PIP5K1C: variants seen among roughly 807,000 people sequenced by gnomAD.
PIP5K1C encodes the protein phosphatidylinositol-4-phosphate 5-kinase type 1 gamma.
PIP5K1C carries 45 observed loss-of-function variants against 80.1 expected under a neutral mutation model. The ratio of observed to expected loss-of-function variants is 0.56; its 90% confidence interval spans 0.44 to 0.72. The LOEUF (loss-of-function observed/expected upper bound fraction) is 0.72, where lower values mean the gene tolerates loss of function less well. PIP5K1C is among the 30% of genes least tolerant of loss of function. The probability of loss-of-function intolerance (pLI) is 0.00; values close to 1 mark genes in which losing one functional copy is unlikely to be tolerated. For synonymous variants in PIP5K1C, 498 were observed against 420.1 expected (o/e 1.19, Z -2.27); for missense variants, 753 against 954.6 (o/e 0.79, Z 2.78).
intron 1 of PIP5K1C, among the ~76,000 whole-genome samples, chr19:3,697,329 G>T (rs565048627): frequency 6.6e-6 from 1 of 151,524 alleles, no homozygotes; most frequent in Admixed American, 6.6e-5. Context: ...GACGGAGGAG[G>T]ACCGAGCTGG....
intron 1 of PIP5K1C, among the ~76,000 whole-genome samples, chr19:3,668,183 C>T (rs542985861): frequency 8.0e-4 from 121 of 152,114 alleles, no homozygotes; most frequent in African/African-American, 2.9e-3. Flanking sequence ...TTCCTCCATG[C>T]AAGGAGGCTG....
rs1421457755 is a variant in PIP5K1C, at chr19:3,688,214, C to A, written c.94+12083G>T. Among the ~76,000 whole-genome samples, 3 of 152,220 alleles carry A rather than the reference C, an allele frequency of 2.0e-5. No homozygotes were observed. Among genetic ancestry groups the A allele is most frequent in the Admixed American group, 6.5e-5 (1 of 15,290 alleles). On this transcript the variant is annotated intron_variant, in intron 1 of 17. Transcript: ENST00000335312. This position sits in a 1 kb window ranked among gnomAD's most constrained non-coding sequence, Gnocchi z 5.3. The stretch of plus-strand genomic sequence containing the variant: ...CAGCACAGCAGAGGTGGACGCCCCT[C>A]GCGGCTGGCTCCCCAGCGTCCCTGT...
chr19:3,636,783 C>T (rs1372522972), intron 16 of PIP5K1C: 12 of 986,660 alleles, frequency 1.2e-5, no homozygotes, highest in African/African-American at 8.7e-5. Flanking sequence ...GGCTTTGTCT[C>T]GAGGGGACAC....
intron 1 of PIP5K1C, among the ~76,000 whole-genome samples, chr19:3,670,378 C>T (rs916240905): frequency 2.6e-5 from 4 of 152,016 alleles, no homozygotes; most frequent in African/African-American, 9.7e-5. Flanking sequence ...AGAGAAGCCG[C>T]TCAGGGAGGC....
At chr19:3,638,377 A>G (rs2033795534) in intron 16 of PIP5K1C, among the ~76,000 whole-genome samples, 1 of 152,100 alleles carries the variant, frequency 6.6e-6, no homozygotes, top group Admixed American at 6.5e-5. Context: ...CCCTCCTGCC[A>G]CTGCCCGGTC....
Position 3,637,624 on chromosome 19 carries a change from CGGGCCGGGT to C in PIP5K1C, c.1920+1251_1920+1259del, listed in dbSNP as rs2033753696. 1 of 331,678 alleles carries C rather than the reference CGGGCCGGGT, an allele frequency of 3.0e-6. No individual in the cohort carries two copies. The highest frequency in any genetic ancestry group is 5.8e-6 in the Non-Finnish European group (1 of 172,990). The allele number at this position is 331,678 out of a possible 1,614,324, so 20.5% of individuals were successfully genotyped here. ...CCTCCCATCCGTGAACTGGACGGGG[CGGGCCGGGT>C]GGGCCGGAGGAGGAAGGAAAACAGA... On this transcript the variant is annotated intron_variant, in intron 16 of 17. Transcript: ENST00000335312. The surrounding 1 kb of genome is among the most constrained non-coding windows in gnomAD (Gnocchi z 7.0).
At chr19:3,683,366 C>G (rs76654991) in intron 1 of PIP5K1C, among the ~76,000 whole-genome samples, 9,348 of 152,246 alleles carry the variant, frequency 0.061, 419 homozygotes, top group Non-Finnish European at 0.094. Flanking sequence ...TGGATGGGGT[C>G]AAGAGCCCAG....
intron 5 of PIP5K1C, among the ~76,000 whole-genome samples, chr19:3,657,587 A>G (rs1475870157): frequency 6.6e-6 from 1 of 151,984 alleles, no homozygotes; most frequent in Non-Finnish European, 1.5e-5. Flanking sequence ...GCTGTGATAA[A>G]CAGGTGGGGG....
chr19:3,653,362 G>A lies in PIP5K1C; in HGVS notation c.849C>T (p.Asp283=). 1 of 1,612,454 alleles carries A rather than the reference G, an allele frequency of 6.2e-7. No individual in the cohort carries two copies. The part of the protein sequence containing the change: ...PTYKDLDFMQ[D]MPEGLLLDAD... The stretch of plus-strand genomic sequence containing the variant: ...CGTCCAGCAGGAGCCCCTCGGGCAT[G>A]TCCTGCATGAAGTCCAGGTCCTTGT... Residue 283 remains aspartate (D), a synonymous_variant, in exon 7 of 18, where the codon GAC becomes GAT. Transcript: ENST00000335312.
At chr19:3,665,786 AG>A (rs2034986929) in intron 2 of PIP5K1C, among the ~76,000 whole-genome samples, 1 of 152,044 alleles carries the variant, frequency 6.6e-6, no homozygotes, top group Admixed American at 6.5e-5. Flanking sequence ...GGATGTGAGG[AG>A]GGGCCTTGGG....
At chr19:3,698,896 G>A (rs1334893297) in intron 1 of PIP5K1C, among the ~76,000 whole-genome samples, 1 of 151,714 alleles carries the variant, frequency 6.6e-6, no homozygotes, top group African/African-American at 2.4e-5. Context: ...GGGATGGGCA[G>A]AGATGCCAGA....
chr19:3,640,726 G>A (rs1368447454), intron 15 of PIP5K1C, among the ~76,000 whole-genome samples: 7 of 151,000 alleles, frequency 4.6e-5, no homozygotes, highest in Middle Eastern at 3.4e-3. Flanking sequence ...TTGCTCTGTC[G>A]CTTAGGATGG....
chr19:3,667,314 A>C lies in PIP5K1C; in HGVS notation c.126+8T>G. Reference sequence around the variant, plus strand: ...ACCCCAGGCCCTTCGTCCGCTCCAGACACTCACCTCTGTTGGGGCCGCCTT... The same window carrying C: ...ACCCCAGGCCCTTCGTCCGCTCCAGCCACTCACCTCTGTTGGGGCCGCCTT... On this transcript the variant is annotated splice_region_variant and intron_variant, in intron 2 of 17. Transcript: ENST00000335312. 6.2e-7 allele frequency: 1 copy of C among 1,612,584 alleles called. No individual in the cohort carries two copies. The highest frequency in any genetic ancestry group is 8.5e-7 in the Non-Finnish European group (1 of 1,179,696).
intron 1 of PIP5K1C, among the ~76,000 whole-genome samples, chr19:3,670,937 C>G (rs1335562106): frequency 1.3e-5 from 2 of 152,372 alleles, no homozygotes; most frequent in Non-Finnish European, 2.9e-5. Context: ...AGGTCTCTGA[C>G]AGGCCACAAA....
chr19:3,636,784 G>A lies in PIP5K1C; in HGVS notation c.1920+2100C>T, dbSNP rs972013326. On this transcript the variant is annotated intron_variant, in intron 16 of 17. Coordinates refer to ENST00000335312, the MANE Select transcript of PIP5K1C (RefSeq NM_012398.3). Reference sequence around the variant, plus strand: ...GCGGCCTCGGCGGAGGCTTTGTCTCGAGGGGACACTCCTGCTTTGGGTCTG... The same window carrying A: ...GCGGCCTCGGCGGAGGCTTTGTCTCAAGGGGACACTCCTGCTTTGGGTCTG... The A allele has an allele frequency of 3.3e-5, 33 of 986,684 alleles. No homozygotes were observed. In the African/African-American group the frequency reaches 5.1e-4, roughly 15 times the overall value. The allele number at this position is 986,684 out of a possible 1,614,324, so 61.1% of individuals were successfully genotyped here. A position where few individuals can be genotyped will look rare whatever the true frequency, so the allele number is the denominator to read the frequency against.
intron 1 of PIP5K1C, among the ~76,000 whole-genome samples, chr19:3,684,718 C>T (rs546820274): frequency 2.6e-5 from 4 of 152,356 alleles, no homozygotes; most frequent in South Asian, 2.1e-4. Flanking sequence ...CCACCACAGA[C>T]GCACCCAGAG....
intron 1 of PIP5K1C, among the ~76,000 whole-genome samples, chr19:3,685,217 C>T (rs1202456847): frequency 2.6e-5 from 4 of 152,154 alleles, no homozygotes; most frequent in Non-Finnish European, 5.9e-5. Flanking sequence ...GGGTGATGCC[C>T]GTGTCAATAG....
At chr19:3,651,558 G>A (rs1029672711) in intron 8 of PIP5K1C, among the ~76,000 whole-genome samples, 4 of 152,184 alleles carry the variant, frequency 2.6e-5, no homozygotes, top group African/African-American at 9.7e-5. Context: ...TCCTGTGGAT[G>A]GCCAGTGGCC....
intron 12 of PIP5K1C, 140 bp downstream of exon 12, chr19:3,643,947 C>T (rs1050948824): frequency 3.9e-6 from 4 of 1,028,118 alleles, no homozygotes; most frequent in Non-Finnish European, 4.3e-6. Context: ...GCAGCCCCCA[C>T]TCCCTGGGCA....
Sources: gnomAD v4.1 joint callset for allele counts (sites outside exome capture counted in the v4.1 genomes callset) on GRCh38, gnomAD v4.1.1 for gene constraint, Gnocchi (gnomAD v3.1) non-coding constraint, MANE v1.5 for transcripts, NCBI Gene and HGNC (gene_info 2026-07-23, HGNC 2026-07-21) for gene names.